PDE1A: variants seen among roughly 807,000 people sequenced by gnomAD.
The protein encoded by PDE1A is phosphodiesterase 1A.
Under a neutral mutation model 61.7 loss-of-function variants are expected in PDE1A, and 35 were observed. The ratio of observed to expected loss-of-function variants is 0.57; its 90% confidence interval spans 0.43 to 0.75. The LOEUF (loss-of-function observed/expected upper bound fraction) is 0.75. PDE1A is among the 30% of genes least tolerant of loss of function. PDE1A has a pLI of 0.00. For synonymous variants in PDE1A, 232 were observed against 213.2 expected (o/e 1.09, Z -0.77); for missense variants, 597 against 630.6 (o/e 0.95, Z 0.57).
At chr2:182,519,114 T>A (rs1264042839) in intron 2 of PDE1A, among the ~76,000 whole-genome samples, 1 of 152,010 alleles carries the variant, frequency 6.6e-6, no homozygotes, top group African/African-American at 2.4e-5. Flanking sequence ...AAATTGACAA[T>A]CTTTGAAAGA....
chr2:182,342,465 C>G (rs573557465), intron 1 of PDE1A, among the ~76,000 whole-genome samples: 1 of 152,128 alleles, frequency 6.6e-6, no homozygotes, highest in Non-Finnish European at 1.5e-5. Context: ...GGGAGGATCA[C>G]GAGGTCAGGA....
exon 14 of PDE1A, chr2:182,168,127 A>T (rs945849955): frequency 1.4e-6 from 2 of 1,435,154 alleles, no homozygotes; most frequent in Non-Finnish European, 1.8e-6. Flanking sequence ...AGCAATCTGC[A>T]AAAATAGATT....
At chr2:182,451,985 T>A (rs1164501249) in intron 2 of PDE1A, among the ~76,000 whole-genome samples, 1 of 152,226 alleles carries the variant, frequency 6.6e-6, no homozygotes, top group East Asian at 1.9e-4. Flanking sequence ...TCTTTTTTTT[T>A]TTATCTGAGT....
chr2:182,563,068 T>C, the PDE1A span, among the ~76,000 whole-genome samples: 1 of 152,156 alleles, frequency 6.6e-6, no homozygotes, highest in Admixed American at 6.6e-5. Context: ...AGTTCTGCTC[T>C]GATTTTAGTT....
chr2:182,599,096 C>T, the PDE1A span, among the ~76,000 whole-genome samples: 1 of 152,224 alleles, frequency 6.6e-6, no homozygotes, highest in Admixed American at 6.5e-5. Flanking sequence ...GTCGCTGCAA[C>T]TACCCAAACC....
chr2:182,574,230 T>G, the PDE1A span, among the ~76,000 whole-genome samples: 1 of 152,036 alleles, frequency 6.6e-6, no homozygotes, highest in Non-Finnish European at 1.5e-5. Context: ...GATTAAAAGG[T>G]GCCCATCCAG....
At chr2:182,287,425 A>ACGT (rs1210186604) in intron 1 of PDE1A, among the ~76,000 whole-genome samples, 1 of 152,022 alleles carries the variant, frequency 6.6e-6, no homozygotes, top group Non-Finnish European at 1.5e-5. Context: ...TCTATCTATC[A>ACGT]CGTCTATTTA....
chr2:182,700,721 C>CAA, the PDE1A span, among the ~76,000 whole-genome samples: 92 of 23,982 alleles, frequency 3.8e-3, 7 homozygotes, highest in South Asian at 6.1e-3. Flanking sequence ...GACTCCATCT[C>CAA]AAAAAAAAAA....
intron 13 of PDE1A, among the ~76,000 whole-genome samples, chr2:182,176,370 G>T (rs1330596843): frequency 2.0e-5 from 3 of 149,304 alleles, no homozygotes. Flanking sequence ...TTGAGCAGTG[G>T]TTTGTAGTTC....
At chr2:182,499,000 T>G (rs1688910278) in intron 2 of PDE1A, among the ~76,000 whole-genome samples, 1 of 151,792 alleles carries the variant, frequency 6.6e-6, no homozygotes, top group Admixed American at 6.6e-5. Context: ...TGTTTTTTGT[T>G]TTTTTGAGAT....
chr2:182,343,760 T>C (rs1453975241), intron 1 of PDE1A, among the ~76,000 whole-genome samples: 1 of 152,334 alleles, frequency 6.6e-6, no homozygotes, highest in Non-Finnish European at 1.5e-5. Flanking sequence ...AAATGTTTTA[T>C]CTCTGGCAAG....
chr2:182,196,005 C>G (rs1464592542), intron 10 of PDE1A, among the ~76,000 whole-genome samples: 1 of 152,010 alleles, frequency 6.6e-6, no homozygotes, highest in African/African-American at 2.4e-5. Flanking sequence ...TGCAGTATGA[C>G]TAAGAATAAG....
the PDE1A span, among the ~76,000 whole-genome samples, chr2:182,539,567 GTTCA>G: frequency 6.6e-6 from 1 of 152,138 alleles, no homozygotes; most frequent in African/African-American, 2.4e-5. Context: ...GGAATATTTG[GTTCA>G]TTGTTTGTTA....
chr2:182,657,571 A>G, the PDE1A span, among the ~76,000 whole-genome samples: 1 of 152,158 alleles, frequency 6.6e-6, no homozygotes, highest in South Asian at 2.1e-4. Context: ...TTCATCATGT[A>G]TCCAACGGTC....
the PDE1A span, among the ~76,000 whole-genome samples, chr2:182,572,672 C>G: frequency 6.6e-6 from 1 of 151,978 alleles, no homozygotes; most frequent in Non-Finnish European, 1.5e-5. Flanking sequence ...AGATCGAGAC[C>G]ATCCTGGCTA....
At chr2:182,428,938 C>T (rs997885774), upstream of PDE1A, among the ~76,000 whole-genome samples, 2 of 152,090 alleles carry the variant, frequency 1.3e-5, no homozygotes, top group African/African-American at 4.8e-5. Context: ...AGCCAAGGTA[C>T]AGTTCAAACG....
intron 1 of PDE1A, among the ~76,000 whole-genome samples, chr2:182,265,228 A>G (rs547542807): frequency 6.6e-6 from 1 of 151,894 alleles, no homozygotes; most frequent in East Asian, 1.9e-4. Flanking sequence ...CGTAACCAGA[A>G]ACCACCTGTA....
intron 1 of PDE1A, among the ~76,000 whole-genome samples, chr2:182,401,542 A>T (rs920172750): frequency 6.6e-6 from 1 of 152,236 alleles, no homozygotes; most frequent in African/African-American, 2.4e-5. Flanking sequence ...AGAGCTATTT[A>T]TGAAAAACAC....
chr2:182,583,206 A>G, the PDE1A span, among the ~76,000 whole-genome samples: 2 of 152,170 alleles, frequency 1.3e-5, no homozygotes, highest in Non-Finnish European at 2.9e-5. Context: ...TCAATAGCTG[A>G]CACTATATGA....
Sources: gnomAD v4.1 joint callset for allele counts (sites outside exome capture counted in the v4.1 genomes callset) on GRCh38, gnomAD v4.1.1 for gene constraint, MANE v1.5 for transcripts, NCBI Gene and HGNC (gene_info 2026-07-23, HGNC 2026-07-21) for gene names.